Variants in VWA8 observed in about 807,000 individuals in gnomAD.
The protein encoded by VWA8 is von Willebrand factor A domain containing 8.
A neutral mutation model predicts 241.5 loss-of-function variants in VWA8; 221 were observed. That is an observed-to-expected ratio of 0.91 (90% CI 0.82 to 1.02). The LOEUF (loss-of-function observed/expected upper bound fraction) is 1.02, where lower values mean the gene tolerates loss of function less well. Among genes scored for constraint, VWA8 ranks in the 50% least tolerant of loss-of-function variants. The probability of loss-of-function intolerance (pLI) is 0.00; values close to 1 mark genes in which losing one functional copy is unlikely to be tolerated. For missense variants in VWA8, 2,322 were observed against 2,328.7 expected (o/e 1.00, Z 0.06); for synonymous variants, 852 against 827.1 (o/e 1.03, Z -0.52).
At chr13:41,589,271 C>T (rs1294102754) in intron 41 of VWA8, among the ~76,000 whole-genome samples, 2 of 152,132 alleles carry the variant, frequency 1.3e-5, no homozygotes, top group Non-Finnish European at 2.9e-5. Flanking sequence ...TTACATACTA[C>T]AATTATAGTT....
At chr13:41,623,289 G>T (rs569517401) in intron 37 of VWA8, among the ~76,000 whole-genome samples, 1 of 152,314 alleles carries the variant, frequency 6.6e-6, no homozygotes, top group East Asian at 1.9e-4. Context: ...GAGGATGGCA[G>T]ATTAGAAGGC....
At chr13:41,893,056 C>T (rs1365834035) in intron 4 of VWA8, among the ~76,000 whole-genome samples, 1 of 152,116 alleles carries the variant, frequency 6.6e-6, no homozygotes, top group East Asian at 1.9e-4. Flanking sequence ...TTATACTGAC[C>T]CCTCACTTAA....
chr13:41,783,341 C>A (rs1868980436), intron 19 of VWA8, among the ~76,000 whole-genome samples: 1 of 151,334 alleles, frequency 6.6e-6, no homozygotes, highest in Non-Finnish European at 1.5e-5. Context: ...TGTCTTATGT[C>A]TTAATAAAAG....
chr13:41,947,952 AAC>A (rs1397898324), intron 2 of VWA8, among the ~76,000 whole-genome samples: 1 of 83,170 alleles, frequency 1.2e-5, no homozygotes, highest in East Asian at 3.3e-4. Flanking sequence ...AAAAAAAAAA[AAC>A]AAAACAAAAC....
intron 41 of VWA8, among the ~76,000 whole-genome samples, chr13:41,588,001 G>T (rs1040158769): frequency 6.6e-6 from 1 of 152,156 alleles, no homozygotes; most frequent in Non-Finnish European, 1.5e-5. Flanking sequence ...TAATAATCTG[G>T]AATGACATGT....
At chr13:41,934,996 T>G (rs926013523) in intron 2 of VWA8, among the ~76,000 whole-genome samples, 1 of 152,120 alleles carries the variant, frequency 6.6e-6, no homozygotes, top group Non-Finnish European at 1.5e-5. Context: ...TTTTATCTTT[T>G]GTGTTTTTCA....
chr13:41,932,295 T>G (rs745587403), intron 2 of VWA8, among the ~76,000 whole-genome samples: 2 of 152,184 alleles, frequency 1.3e-5, no homozygotes, highest in South Asian at 4.1e-4. Flanking sequence ...ACTATATCTA[T>G]GAAAGAAACT....
chr13:41,709,152 T>A (rs2045301074), intron 26 of VWA8, among the ~76,000 whole-genome samples: 1 of 152,234 alleles, frequency 6.6e-6, no homozygotes, highest in African/African-American at 2.4e-5. Flanking sequence ...CTACTATGAA[T>A]ATAGCACTTT....
At chr13:41,585,873 AAAAAAAGAAAAAG>A (rs1262443410) in intron 42 of VWA8, among the ~76,000 whole-genome samples, 1 of 151,408 alleles carries the variant, frequency 6.6e-6, no homozygotes, top group Non-Finnish European at 1.5e-5. Flanking sequence ...TAAAAAAAAA[AAAAAAAGAAAAAG>A]AAAAAGAAAA....
intron 37 of VWA8, among the ~76,000 whole-genome samples, chr13:41,623,466 T>C (rs546282453): frequency 2.0e-4 from 31 of 152,310 alleles, no homozygotes; most frequent in African/African-American, 7.2e-4. Context: ...AACTGATTCA[T>C]GTATTAAGGG....
chr13:41,865,742 G>T lies in VWA8; in HGVS notation c.1419C>A (p.Leu473=), dbSNP rs199651337. ...CTAAAAATGAACACTGTACCTGATAGAGCATAATAGGTTCTATGTTGTATC... is the reference window on the plus strand; with the variant it reads ...CTAAAAATGAACACTGTACCTGATATAGCATAATAGGTTCTATGTTGTATC... ...TLGYNIEPIM[L]YQDMTARDLL... is the part of the protein sequence containing the mutation. Residue 473 remains leucine, a synonymous_variant, in exon 12 of 45, where the codon CTC becomes CTA. Transcript: ENST00000379310. The T allele has an allele frequency of 1.9e-6, 3 of 1,613,702 alleles. No individual in the cohort carries two copies. The highest frequency in any genetic ancestry group is 1.1e-5 in the South Asian group (1 of 90,994).
intron 39 of VWA8, among the ~76,000 whole-genome samples, chr13:41,610,688 T>A (rs9594585): frequency 0.32 from 48,897 of 152,158 alleles, 8,596 homozygotes; most frequent in Non-Finnish European, 0.4. Context: ...TGCGCCCATC[T>A]CCTTTCATGC....
intron 28 of VWA8, among the ~76,000 whole-genome samples, chr13:41,700,921 A>G (rs78975926): frequency 2.2e-4 from 34 of 152,338 alleles, no homozygotes; most frequent in African/African-American, 7.9e-4. Context: ...GGTCCACTGC[A>G]TGAATCAGTA....
At chr13:41,774,074 T>A (rs1431061247) in intron 20 of VWA8, among the ~76,000 whole-genome samples, 1 of 152,190 alleles carries the variant, frequency 6.6e-6, no homozygotes, top group African/African-American at 2.4e-5. Flanking sequence ...CAACTAAGCC[T>A]AAATTTTAAA....
intron 9 of VWA8, among the ~76,000 whole-genome samples, chr13:41,880,718 C>T (rs1874129088): frequency 6.6e-6 from 1 of 152,192 alleles, no homozygotes; most frequent in Non-Finnish European, 1.5e-5. Context: ...CATGGCCAAA[C>T]ATACATCATG....
At chr13:41,896,020 A>G (rs1566498030) in intron 4 of VWA8, among the ~76,000 whole-genome samples, 2 of 152,022 alleles carry the variant, frequency 1.3e-5, no homozygotes, top group African/African-American at 4.8e-5. Flanking sequence ...GTAAAAGAAG[A>G]GCAATTAGGA....
intron 39 of VWA8, among the ~76,000 whole-genome samples, chr13:41,609,585 T>C (rs544604748): frequency 6.6e-5 from 10 of 152,118 alleles, no homozygotes; most frequent in Admixed American, 5.2e-4. Flanking sequence ...AAGTTCCTAG[T>C]AAAAGGTTGA....
intron 42 of VWA8, among the ~76,000 whole-genome samples, chr13:41,578,117 A>C (rs1168869565): frequency 1.3e-5 from 2 of 152,188 alleles, no homozygotes; most frequent in Non-Finnish European, 2.9e-5. Flanking sequence ...AGAAAGGTGG[A>C]CTGTATGCTT....
chr13:41,674,375 T>A (rs994810399), intron 36 of VWA8, among the ~76,000 whole-genome samples: 3 of 152,146 alleles, frequency 2.0e-5, no homozygotes, highest in African/African-American at 4.8e-5. Flanking sequence ...AGCCAAGACT[T>A]CAACCGCTGT....
Sources: allele counts gnomAD v4.1 joint callset (sites outside exome capture counted in the v4.1 genomes callset), GRCh38; gene constraint gnomAD v4.1.1; transcripts MANE v1.5; gene names NCBI Gene and HGNC (gene_info 2026-07-23, HGNC 2026-07-21).